The following RNF144B variants were observed in gnomAD, a reference collection of about 807,000 sequenced individuals.
RNF144B encodes E3 ubiquitin-protein ligase RNF144B.
Under a neutral mutation model 40.2 loss-of-function variants are expected in RNF144B, and 25 were observed. That is an observed-to-expected ratio of 0.62 (90% CI 0.45 to 0.87). The LOEUF (loss-of-function observed/expected upper bound fraction) is 0.87, where lower values mean the gene tolerates loss of function less well. RNF144B is among the 40% of genes least tolerant of loss of function. The pLI is 0.00. For synonymous variants in RNF144B, 145 were observed against 136.3 expected (o/e 1.06, Z -0.44); for missense variants, 365 against 373.7 (o/e 0.98, Z 0.19).
chr6:18,389,052 C>T (rs970330756), intron 1 of RNF144B, among the ~76,000 whole-genome samples: 5 of 152,130 alleles, frequency 3.3e-5, no homozygotes, highest in Non-Finnish European at 7.3e-5. Flanking sequence ...CTTTCTCCTA[C>T]ACTACTGTGC....
At chr6:18,453,063 A>T (rs1424855049) in intron 4 of RNF144B, among the ~76,000 whole-genome samples, 1 of 151,316 alleles carries the variant, frequency 6.6e-6, no homozygotes, top group East Asian at 2.0e-4. Flanking sequence ...CTGGGATTAC[A>T]GGAGTGAGCC....
In RNF144B at chr6:18,398,796, T is replaced by C. The variant is rs1377059548; in HGVS notation, c.-36-703T>C. ...TACAAATATCTCTTTGAGACCCTGC[T>C]TTCAGTTCTTTTGGGTATATACCCG... On this transcript the variant is annotated intron_variant, in intron 1 of 7. Coordinates refer to ENST00000259939, the MANE Select transcript of RNF144B (RefSeq NM_182757.4). This position sits in a 1 kb window ranked among gnomAD's most constrained non-coding sequence, Gnocchi z 5.0. Among the ~76,000 whole-genome samples, 1 of 152,242 alleles carries C rather than the reference T, an allele frequency of 6.6e-6. No homozygotes were observed. Among genetic ancestry groups the C allele is most frequent in the African/African-American group, 2.4e-5 (1 of 41,472 alleles).
intron 4 of RNF144B, among the ~76,000 whole-genome samples, chr6:18,449,122 T>G (rs1759151790): frequency 6.6e-6 from 1 of 152,236 alleles, no homozygotes; most frequent in Non-Finnish European, 1.5e-5. Context: ...CAGTGAAAAC[T>G]AAAGACTACT....
chr6:18,407,868 T>C (rs1359230), intron 2 of RNF144B, among the ~76,000 whole-genome samples: 97,816 of 151,898 alleles, frequency 0.64, 31,769 homozygotes, highest in Non-Finnish European at 0.69. Context: ...AGGCCTGCTA[T>C]TAGTTCCAAT....
At chr6:18,462,946 C>T (rs949307853) in intron 6 of RNF144B, among the ~76,000 whole-genome samples, 20 of 152,258 alleles carry the variant, frequency 1.3e-4, no homozygotes, top group Middle Eastern at 3.4e-3. Context: ...CATTTTCTCT[C>T]TCCTGGTTTG....
chr6:18,387,921 A>G (rs1794495440), intron 1 of RNF144B, among the ~76,000 whole-genome samples: 1 of 152,180 alleles, frequency 6.6e-6, no homozygotes. Context: ...CTAGGTCTTA[A>G]GGGGAGACCA....
At position 18,405,744 on chromosome 6, in the gene RNF144B, T is replaced by C. The variant is rs1312109409; in HGVS notation, c.165+6045T>C. Reference sequence around the variant, plus strand: ...GGAAAAAGAGCAAACAGTAACAGCATGAGAAATGGATTAGAGATGACTCAA... The same window carrying C: ...GGAAAAAGAGCAAACAGTAACAGCACGAGAAATGGATTAGAGATGACTCAA... On this transcript the variant is annotated intron_variant, in intron 2 of 7. Coordinates refer to ENST00000259939, the MANE Select transcript of RNF144B (RefSeq NM_182757.4). The surrounding 1 kb of genome is among the most constrained non-coding windows in gnomAD (Gnocchi z 4.5). 1.3e-5 allele frequency among the ~76,000 whole-genome samples: 2 copies of C among 152,148 alleles called. No homozygotes were observed. Among genetic ancestry groups the C allele is most frequent in the African/African-American group, 4.8e-5 (2 of 41,440 alleles).
chr6:18,431,960 T>C (rs68165664), intron 3 of RNF144B, among the ~76,000 whole-genome samples: 18,998 of 152,266 alleles, frequency 0.12, 1,361 homozygotes, highest in Admixed American at 0.19. Flanking sequence ...TCAAGTACAA[T>C]TGAACCTCAG....
At chr6:18,421,644 G>A (rs925490125) in intron 2 of RNF144B, among the ~76,000 whole-genome samples, 13 of 152,286 alleles carry the variant, frequency 8.5e-5, no homozygotes, top group African/African-American at 2.4e-4. Context: ...ATTTCCTGAG[G>A]TGGTTCCAGG....
chr6:18,442,273 A>G lies in RNF144B; in HGVS notation c.331+2529A>G, dbSNP rs1758981901. Among the ~76,000 whole-genome samples, 2 of 152,346 alleles carry G rather than the reference A, an allele frequency of 1.3e-5. No homozygotes were observed. The highest frequency in any genetic ancestry group is 1.9e-4 in the East Asian group (1 of 5,188). On this transcript the variant is annotated intron_variant, in intron 4 of 7. Coordinates refer to ENST00000259939, the MANE Select transcript of RNF144B (RefSeq NM_182757.4). The surrounding 1 kb of genome is among the most constrained non-coding windows in gnomAD (Gnocchi z 4.3). ...GTTGGGCAGGCATCTGAGCCAGTCTATCTTTTTTAGGTGGTGATGCATATT... is the reference window on the plus strand; with the variant it reads ...GTTGGGCAGGCATCTGAGCCAGTCTGTCTTTTTTAGGTGGTGATGCATATT...
chr6:18,390,277 T>G (rs1318127964), intron 1 of RNF144B, among the ~76,000 whole-genome samples: 1 of 152,240 alleles, frequency 6.6e-6, no homozygotes, highest in Non-Finnish European at 1.5e-5. Flanking sequence ...ATTCATAATT[T>G]TTACCTTTAG....
At chr6:18,404,002 C>G (rs1794844465) in intron 2 of RNF144B, among the ~76,000 whole-genome samples, 1 of 152,224 alleles carries the variant, frequency 6.6e-6, no homozygotes, top group East Asian at 1.9e-4. Flanking sequence ...GAGAGTGGCA[C>G]CAAGCCATTC....
In RNF144B at chr6:18,406,785, C is replaced by T. The variant is rs573693830; in HGVS notation, c.165+7086C>T. Among the ~76,000 whole-genome samples the T allele has an allele frequency of 1.4e-4, 21 of 151,870 alleles. No homozygotes were observed. The highest frequency in any genetic ancestry group is 4.3e-4 in the African/African-American group (18 of 41,412). On this transcript the variant is annotated intron_variant, in intron 2 of 7. Coordinates refer to ENST00000259939, the MANE Select transcript of RNF144B (RefSeq NM_182757.4). The surrounding 1 kb of genome is among the most constrained non-coding windows in gnomAD (Gnocchi z 4.2). ...GGGTAAACTGCTTTACTCAGTTTACCGATGCAAGTGCTGATTGTATTAGTC... is the reference window on the plus strand; with the variant it reads ...GGGTAAACTGCTTTACTCAGTTTACTGATGCAAGTGCTGATTGTATTAGTC...
Position 18,457,418 on chromosome 6 carries a change from A to G in RNF144B, c.536+59A>G. ...ACTAGTTTTCTTAGAAATTCAACAT[A>G]CCTTACGTGTAGAAGGAGTTACGTT... is the stretch of plus-strand genomic sequence containing the variant. On this transcript the variant is annotated intron_variant, in intron 5 of 7. Transcript: ENST00000259939. The surrounding 1 kb of genome is among the most constrained non-coding windows in gnomAD (Gnocchi z 5.1). The G allele has an allele frequency of 2.3e-6, 3 of 1,279,888 alleles. No individual in the cohort carries two copies. Among genetic ancestry groups the G allele is most frequent in the Non-Finnish European group, 2.3e-6 (2 of 875,434 alleles). 79.3% of individuals were successfully genotyped at this position (1,279,888 alleles called of 1,614,324 possible).
chr6:18,393,324 C>T (rs1051356696), intron 1 of RNF144B, among the ~76,000 whole-genome samples: 2 of 152,100 alleles, frequency 1.3e-5, no homozygotes, highest in Admixed American at 1.3e-4. Flanking sequence ...GAGATGCAAG[C>T]GGAGAGTAGA....
Position 18,398,241 on chromosome 6 carries a change from T to C in RNF144B, c.-36-1258T>C, listed in dbSNP as rs1705266583. Among the ~76,000 whole-genome samples the C allele has an allele frequency of 6.6e-6, 1 of 152,218 alleles. No homozygotes were observed. Among genetic ancestry groups the C allele is most frequent in the Non-Finnish European group, 1.5e-5 (1 of 68,042 alleles). On this transcript the variant is annotated intron_variant, in intron 1 of 7. Coordinates refer to ENST00000259939, the MANE Select transcript of RNF144B (RefSeq NM_182757.4). This position sits in a 1 kb window ranked among gnomAD's most constrained non-coding sequence, Gnocchi z 5.0. ...CTCATTTAAGTGGAATCATACAATATTTGATTTTCTGTCTGGTTTATTTCA... is the reference window on the plus strand; with the variant it reads ...CTCATTTAAGTGGAATCATACAATACTTGATTTTCTGTCTGGTTTATTTCA...
At chr6:18,449,272 T>C (rs1759155361) in intron 4 of RNF144B, among the ~76,000 whole-genome samples, 1 of 152,240 alleles carries the variant, frequency 6.6e-6, no homozygotes, top group African/African-American at 2.4e-5. Flanking sequence ...TTATTCATAG[T>C]TCTAACCTAT....
chr6:18,402,909 T>A (rs1190881177), intron 2 of RNF144B, among the ~76,000 whole-genome samples: 1 of 152,218 alleles, frequency 6.6e-6, no homozygotes, highest in Non-Finnish European at 1.5e-5. Flanking sequence ...AAGCTGCATA[T>A]ACAGGAAAAA....
chr6:18,426,870 A>T (rs1758567145), intron 2 of RNF144B, among the ~76,000 whole-genome samples: 2 of 144,950 alleles, frequency 1.4e-5, no homozygotes, highest in African/African-American at 2.6e-5. Context: ...CTCTGGGTTT[A>T]TTTTTTTCTA....
Sources: gnomAD v4.1 joint callset for allele counts (sites outside exome capture counted in the v4.1 genomes callset) on GRCh38, gnomAD v4.1.1 for gene constraint, Gnocchi (gnomAD v3.1) non-coding constraint, MANE v1.5 for transcripts, NCBI Gene and HGNC (gene_info 2026-07-23, HGNC 2026-07-21) for gene names.